Variants in ANKRD17 observed in about 807,000 individuals in gnomAD.
The protein encoded by ANKRD17 is ankyrin repeat domain-containing protein 17.
Under a neutral mutation model 229.7 loss-of-function variants are expected in ANKRD17, and 19 were observed. The ratio of observed to expected loss-of-function variants is 0.08; its 90% CI spans 0.06 to 0.12. ANKRD17 has a LOEUF of 0.12. Among genes scored for constraint, ANKRD17 ranks in the 10% least tolerant of loss-of-function variants. The pLI is 1.00. For missense variants in ANKRD17, 2,176 were observed against 3,176.8 expected (o/e 0.68, Z 7.57); for synonymous variants, 1,112 against 1,146.1 (o/e 0.97, Z 0.60).
At chr4:73,169,362 C>T (rs1403374957) in intron 2 of ANKRD17, among the ~76,000 whole-genome samples, 2 of 152,000 alleles carry the variant, frequency 1.3e-5, no homozygotes, top group African/African-American at 2.4e-5. Context: ...AGCTAAGACA[C>T]AGTACAATAG....
chr4:73,255,411 T>C (rs978446408), intron 1 of ANKRD17, among the ~76,000 whole-genome samples: 3 of 152,228 alleles, frequency 2.0e-5, no homozygotes, highest in Non-Finnish European at 4.4e-5. Flanking sequence ...TTTAATCTTT[T>C]GATGATTTTT....
intron 1 of ANKRD17, among the ~76,000 whole-genome samples, chr4:73,224,424 A>G (rs1215327577): frequency 6.6e-6 from 1 of 152,172 alleles, no homozygotes; most frequent in East Asian, 1.9e-4. Context: ...TTGAAATATC[A>G]GAAACTGCTC....
At chr4:73,224,600 TAAC>T (rs1463959229) in intron 1 of ANKRD17, among the ~76,000 whole-genome samples, 3 of 152,222 alleles carry the variant, frequency 2.0e-5, no homozygotes, top group Non-Finnish European at 2.9e-5. Context: ...TTTATCCTCA[TAAC>T]AACCCAGCTA....
chr4:73,213,936 C>CA (rs760646763), intron 1 of ANKRD17, among the ~76,000 whole-genome samples: 1 of 151,614 alleles, frequency 6.6e-6, no homozygotes, highest in African/African-American at 2.4e-5. Flanking sequence ...TTATAGCCTT[C>CA]AAAAAAAATA....
intron 2 of ANKRD17, among the ~76,000 whole-genome samples, chr4:73,162,001 C>T (rs1732591429): frequency 6.6e-6 from 1 of 151,772 alleles, no homozygotes; most frequent in Non-Finnish European, 1.5e-5. Flanking sequence ...CTCAGCCTCC[C>T]AGTAGCTGGA....
At position 73,091,121 on chromosome 4, in the gene ANKRD17, A is replaced by G; in HGVS notation, c.6507T>C (p.Pro2169=). ...TAGCAGGGGTTTCCATTTTAGGAGTAGGCTGGGGGCATCCCATTGGTGTCT... is the reference window on the plus strand; with the variant it reads ...TAGCAGGGGTTTCCATTTTAGGAGTGGGCTGGGGGCATCCCATTGGTGTCT... ...MPQTPMGCPQ[P]TPKMETPAIR... Residue 2169 remains proline, a synonymous_variant, in exon 29 of 34, where the codon CCT becomes CCC. Coordinates refer to ENST00000358602, the MANE Select transcript of ANKRD17 (RefSeq NM_032217.5). The G allele has an allele frequency of 6.2e-7, 1 of 1,614,144 alleles. No individual in the cohort carries two copies. Among genetic ancestry groups the G allele is most frequent in the Non-Finnish European group, 8.5e-7 (1 of 1,180,038 alleles).
At chr4:73,086,925 T>A (rs1483757555) in intron 29 of ANKRD17, among the ~76,000 whole-genome samples, 1,165 of 36,058 alleles carry the variant, frequency 0.032, 35 homozygotes, top group Middle Eastern at 0.052. Context: ...AAAAAATATA[T>A]ATATATATAT....
intron 3 of ANKRD17, among the ~76,000 whole-genome samples, chr4:73,159,767 T>C (rs982107704): frequency 3.9e-5 from 6 of 152,186 alleles, no homozygotes; most frequent in African/African-American, 9.7e-5. Context: ...AATGATATTG[T>C]AGGCTAGTAA....
intron 3 of ANKRD17, among the ~76,000 whole-genome samples, chr4:73,158,601 T>A (rs1262123547): frequency 2.0e-5 from 3 of 152,250 alleles, no homozygotes; most frequent in African/African-American, 7.2e-5. Context: ...TTTGCATATT[T>A]GTCCTCTCCA....
At chr4:73,222,795 G>C (rs1742030359) in intron 1 of ANKRD17, among the ~76,000 whole-genome samples, 1 of 152,166 alleles carries the variant, frequency 6.6e-6, no homozygotes, top group Non-Finnish European at 1.5e-5. Context: ...GACGTCTATA[G>C]TAATCATGTG....
At chr4:73,158,410 A>T (rs562214843) in intron 3 of ANKRD17, among the ~76,000 whole-genome samples, 1 of 152,230 alleles carries the variant, frequency 6.6e-6, no homozygotes, top group South Asian at 2.1e-4. Flanking sequence ...TGTTCATCAA[A>T]TATGCTAAAT....
intron 1 of ANKRD17, among the ~76,000 whole-genome samples, chr4:73,223,973 C>G (rs963710542): frequency 1.3e-5 from 2 of 152,032 alleles, no homozygotes; most frequent in East Asian, 3.9e-4. Context: ...AACAATGGGC[C>G]GAGCGCAGTG....
At chr4:73,112,816 C>G (rs1208745561) in intron 24 of ANKRD17, 2 of 594,412 alleles carry the variant, frequency 3.4e-6, no homozygotes, top group Admixed American at 1.3e-4. Context: ...GAGACGGAGT[C>G]TCACTCTGTT....
chr4:73,248,894 T>C (rs886737529), intron 1 of ANKRD17, among the ~76,000 whole-genome samples: 3 of 151,992 alleles, frequency 2.0e-5, no homozygotes, highest in Non-Finnish European at 2.9e-5. Flanking sequence ...TGTGCTATAC[T>C]AGAGGCTTTG....
chr4:73,170,309 T>G (rs1429625750), intron 2 of ANKRD17, among the ~76,000 whole-genome samples: 1 of 151,974 alleles, frequency 6.6e-6, no homozygotes, highest in Non-Finnish European at 1.5e-5. Context: ...ACAATCTTTC[T>G]ACACACACCC....
At chr4:73,085,095 A>C (rs1577995596) in intron 30 of ANKRD17, among the ~76,000 whole-genome samples, 154 bp downstream of exon 30, 1 of 152,356 alleles carries the variant, frequency 6.6e-6, no homozygotes, top group Non-Finnish European at 1.5e-5. Context: ...GTTGATTCTA[A>C]TCATTTAAAT....
intron 1 of ANKRD17, among the ~76,000 whole-genome samples, chr4:73,185,883 G>A (rs543054943): frequency 6.6e-6 from 1 of 151,980 alleles, no homozygotes; most frequent in South Asian, 2.1e-4. Flanking sequence ...TTTAAAAACT[G>A]AATATTAAAA....
intron 2 of ANKRD17, among the ~76,000 whole-genome samples, chr4:73,161,631 G>A (rs1479546398): frequency 6.6e-6 from 1 of 152,158 alleles, no homozygotes; most frequent in Non-Finnish European, 1.5e-5. Context: ...TCATATCTCT[G>A]AAAGAACGTA....
chr4:73,236,214 T>C (rs955806618), intron 1 of ANKRD17, among the ~76,000 whole-genome samples: 1 of 152,116 alleles, frequency 6.6e-6, no homozygotes, highest in African/African-American at 2.4e-5. Flanking sequence ...TGGAGTGCAG[T>C]GGTTCCATCA....
Sources: gnomAD v4.1 joint callset for allele counts (sites outside exome capture counted in the v4.1 genomes callset) on GRCh38, gnomAD v4.1.1 for gene constraint, MANE v1.5 for transcripts, NCBI Gene and HGNC (gene_info 2026-07-23, HGNC 2026-07-21) for gene names.